The following CBLN2 variants were observed in gnomAD, a reference collection of about 807,000 sequenced individuals.
CBLN2 encodes cerebellin 2 precursor, also known as cerebellin-2.
Under a neutral mutation model 15.0 loss-of-function variants are expected in CBLN2, and 7 were observed. The ratio of observed to expected loss-of-function variants is 0.47; its 90% CI spans 0.27 to 0.88. CBLN2 has a LOEUF of 0.88. Ranked by LOEUF, CBLN2 falls within the 40% of genes least tolerant of loss-of-function variation. The pLI, the probability that CBLN2 is intolerant of heterozygous loss-of-function variation, is 0.14. For synonymous variants in CBLN2, 149 were observed against 135.2 expected, an observed-to-expected ratio of 1.10 and a Z score of -0.71; for missense variants, 242 against 304.5, an observed-to-expected ratio of 0.79 and a Z score of 1.53.
chr18:72,538,827 T>C, intron 3 of CBLN2, 55 bp from the exon 4 acceptor site: 1 of 1,593,666 alleles, frequency 6.3e-7, no homozygotes, highest in Non-Finnish European at 8.5e-7. Context: ...TCGGTGTATG[T>C]TTTCATCATC....
intron 1 of CBLN2, among the ~76,000 whole-genome samples, chr18:72,579,028 G>T (rs887341466): frequency 6.6e-6 from 1 of 152,044 alleles, no homozygotes; most frequent in East Asian, 1.9e-4. Context: ...GTCTAAGCTT[G>T]GTCAATTACA....
intron 1 of CBLN2, among the ~76,000 whole-genome samples, chr18:72,553,348 A>G (rs2069202934): frequency 6.6e-6 from 1 of 152,172 alleles, no homozygotes; most frequent in Non-Finnish European, 1.5e-5. Context: ...CAATGAGGGA[A>G]GGAGCGATAA....
chr18:72,564,517 C>A (rs896260938), intron 1 of CBLN2, among the ~76,000 whole-genome samples: 1 of 151,888 alleles, frequency 6.6e-6, no homozygotes, highest in African/African-American at 2.4e-5. Context: ...GTCAGAGATA[C>A]AATTAAATTA....
At chr18:72,602,610 G>A (rs1223111456) in intron 1 of CBLN2, among the ~76,000 whole-genome samples, 2 of 152,154 alleles carry the variant, frequency 1.3e-5, no homozygotes, top group Non-Finnish European at 2.9e-5. Context: ...AAGGTGTTGT[G>A]CAGATGTGGT....
At chr18:72,575,649 C>A (rs184133055) in intron 1 of CBLN2, among the ~76,000 whole-genome samples, 71 of 152,120 alleles carry the variant, frequency 4.7e-4, no homozygotes, top group African/African-American at 1.5e-3. Flanking sequence ...GGCGACTGGG[C>A]GGAGTCCATA....
upstream of CBLN2, among the ~76,000 whole-genome samples, chr18:72,547,279 A>G (rs150094678): frequency 5.6e-4 from 86 of 152,266 alleles, no homozygotes; most frequent in African/African-American, 1.9e-3. Context: ...GTTTCCAGTT[A>G]TGAGTGGGAG....
In CBLN2 at chr18:72,559,439, C is replaced by T. The variant is rs117228075; in HGVS notation, c.16-20667G>A. ...CCAGGCTCAGAGCACACATCCAAGT[C>T]GCGCCATTTTGGATTTGACTCTGTT... On this transcript the variant is annotated intron_variant, in intron 1 of 2. Transcript: ENST00000581073. 4.3e-3 allele frequency among the ~76,000 whole-genome samples: 662 copies of T among 152,296 alleles called. 2 individuals carry two copies. Among genetic ancestry groups the T allele is most frequent in the Non-Finnish European group, 7.9e-3 (538 of 68,034 alleles).
At chr18:72,610,672 G>C (rs1048907990) in intron 1 of CBLN2, among the ~76,000 whole-genome samples, 7 of 152,146 alleles carry the variant, frequency 4.6e-5, no homozygotes, top group Non-Finnish European at 8.8e-5. Flanking sequence ...CTCCTTTATA[G>C]CAGTTCCAAG....
chr18:72,560,389 G>T (rs1348840575), intron 1 of CBLN2, among the ~76,000 whole-genome samples: 2 of 152,198 alleles, frequency 1.3e-5, no homozygotes, highest in African/African-American at 4.8e-5. Flanking sequence ...AGCTTTATCA[G>T]CCTACAATGG....
At chr18:72,625,835 T>TAC (rs1313219069) in intron 1 of CBLN2, among the ~76,000 whole-genome samples, 2 of 142,122 alleles carry the variant, frequency 1.4e-5, no homozygotes, top group Non-Finnish European at 3.1e-5. Context: ...TATATATATA[T>TAC]ATATATATAG....
chr18:72,580,639 C>T (rs979843024), intron 1 of CBLN2, among the ~76,000 whole-genome samples: 1 of 152,084 alleles, frequency 6.6e-6, no homozygotes, highest in African/African-American at 2.4e-5. Flanking sequence ...AAACATGATG[C>T]TTTTGAATTC....
Position 72,537,864 on chromosome 18 carries a change from T to C in CBLN2, c.*312A>G. On this transcript the variant is annotated 3_prime_UTR_variant, in exon 5 of 5. Coordinates refer to ENST00000269503, the MANE Select transcript of CBLN2 (RefSeq NM_182511.4). The stretch of plus-strand genomic sequence containing the variant: ...CAATACAACATACAAACAAAAGAGG[T>C]CCATGGTCCCAACAATAAAATCCGA... 1 of 391,360 alleles carries C rather than the reference T, an allele frequency of 2.6e-6. No homozygotes were observed. The highest frequency in any genetic ancestry group is 2.6e-5 in the South Asian group (1 of 38,998). 24.2% of individuals were successfully genotyped at this position (391,360 alleles called of 1,614,324 possible).
chr18:72,556,184 A>C (rs1432845049), intron 1 of CBLN2, among the ~76,000 whole-genome samples: 1 of 152,188 alleles, frequency 6.6e-6, no homozygotes. Context: ...TGGAACACAC[A>C]TGTTACTTCA....
chr18:72,638,129 GC>G (rs1391506313), intron 1 of CBLN2, among the ~76,000 whole-genome samples: 1 of 152,192 alleles, frequency 6.6e-6, no homozygotes, highest in Admixed American at 6.5e-5. Context: ...TAATTGGTTT[GC>G]AAAACAGCCT....
chr18:72,584,601 C>CTACAATCTTA (rs1382822062), intron 1 of CBLN2, among the ~76,000 whole-genome samples: 1 of 152,090 alleles, frequency 6.6e-6, no homozygotes, highest in Non-Finnish European at 1.5e-5. Flanking sequence ...CATGCCCAGC[C>CTACAATCTTA]TACAATCTTA....
At chr18:72,625,283 G>A (rs757791959) in intron 1 of CBLN2, 8 of 152,054 alleles carry the variant, frequency 5.3e-5, no homozygotes, top group Non-Finnish European at 8.8e-5. Context: ...TAAGTTTCAT[G>A]TCTTTGTCCA....
Position 72,542,255 on chromosome 18 carries a change from CT to C in CBLN2, c.-96del. ...AGGAACGCGCGGAGCTCGCAGCAGC[CT>C]CCGGGGGCCTTCGTCCCCGGCTCTG... On this transcript the variant is annotated 5_prime_UTR_variant, in exon 3 of 5. Coordinates refer to ENST00000269503, the MANE Select transcript of CBLN2 (RefSeq NM_182511.4). 1 of 789,736 alleles carries C rather than the reference CT, an allele frequency of 1.3e-6. No individual in the cohort carries two copies. The highest frequency in any genetic ancestry group is 1.6e-6 in the Non-Finnish European group (1 of 611,388). 48.9% of individuals were successfully genotyped at this position (789,736 alleles called of 1,614,324 possible).
At chr18:72,611,468 G>GC (rs1377458439) in intron 1 of CBLN2, among the ~76,000 whole-genome samples, 1 of 152,030 alleles carries the variant, frequency 6.6e-6, no homozygotes, top group East Asian at 1.9e-4. Flanking sequence ...TTTAACCGTG[G>GC]TTTTTATTTA....
chr18:72,582,826 C>T (rs2069414861), intron 1 of CBLN2, among the ~76,000 whole-genome samples: 1 of 152,172 alleles, frequency 6.6e-6, no homozygotes, highest in African/African-American at 2.4e-5. Flanking sequence ...AGACAGCAAA[C>T]AGTCCTTAAG....
Sources: gnomAD v4.1 joint callset for allele counts (sites outside exome capture counted in the v4.1 genomes callset) on GRCh38, gnomAD v4.1.1 for gene constraint, MANE v1.5 for transcripts, NCBI Gene and HGNC (gene_info 2026-07-23, HGNC 2026-07-21) for gene names.